The following NANS variants were observed in gnomAD, a reference collection of about 807,000 sequenced individuals.
NANS encodes the protein N-acetylneuraminate-9-phosphate synthase.
Under a neutral mutation model 33.3 loss-of-function variants are expected in NANS, and 29 were observed. That is an observed-to-expected ratio of 0.87 (90% confidence interval 0.65 to 1.19). NANS has a LOEUF of 1.19. Ranked by LOEUF, NANS falls within the 50% of genes most tolerant of loss-of-function variation. NANS has a pLI of 0.00. For synonymous variants in NANS, 163 were observed against 177.2 expected (o/e 0.92, Z 0.64); for missense variants, 394 against 461.1 (o/e 0.85, Z 1.33).
At chr9:98,079,437 A>G (rs1829748645) in intron 4 of NANS, among the ~76,000 whole-genome samples, 2 of 151,058 alleles carry the variant, frequency 1.3e-5, no homozygotes, top group South Asian at 4.2e-4. Context: ...TCCCCATAAT[A>G]TAAGCTTTCT....
In NANS at chr9:98,082,878, T is replaced by G. The variant is rs186141807; in HGVS notation, c.903T>G (p.Ile301Met). 3.3e-4 allele frequency: 536 copies of G among 1,614,150 alleles called. 1 individual carries two copies. Among genetic ancestry groups the G allele is most frequent in the Non-Finnish European group, 4.4e-4 (525 of 1,180,024 alleles). The change falls in exon 6 of 6, where the codon ATT becomes ATG. Residue 301 changes from isoleucine (I) to methionine (M), a missense_variant. Physicochemically the swap from Ile to Met is conservative, Grantham distance 10. Transcript: ENST00000210444. ...LGKSVVAKVK[I>M]PEGTILTMDM... ...AGTCTGTGGTGGCCAAAGTGAAAAT[T>G]CCGGAAGGCACCATTCTAACAATGG... is the stretch of plus-strand genomic sequence containing the variant.
chr9:98,073,669 CCT>C (rs1829455296), intron 2 of NANS, among the ~76,000 whole-genome samples: 1 of 152,030 alleles, frequency 6.6e-6, no homozygotes, highest in South Asian at 2.1e-4. Flanking sequence ...CAGCTCCACT[CCT>C]CTCTTTCCTT....
Position 98,083,006 on chromosome 9 carries a change from C to T in NANS, c.1031C>T (p.Thr344Ile). 1 of 1,614,098 alleles carries T rather than the reference C, an allele frequency of 6.2e-7. No individual in the cohort carries two copies. The highest frequency in any genetic ancestry group is 1.3e-5 in the African/African-American group (1 of 75,022). The change falls in exon 6 of 6, where the codon ACC (threonine) becomes ATC (isoleucine). Residue 344 changes from threonine to isoleucine, a missense_variant. Transcript: ENST00000210444. ...CTGGTCACTGTTGAAGAGGATGACACCATCATGGAAGAATTGGTAGATAAT... is the reference window on the plus strand; with the variant it reads ...CTGGTCACTGTTGAAGAGGATGACATCATCATGGAAGAATTGGTAGATAAT... ...KVLVTVEEDD[T>I]IMEELVDNHG...
At position 98,056,893 on chromosome 9, in the gene NANS, C is replaced by A. The variant is rs1277263564; in HGVS notation, c.85C>A (p.His29Asn). Residue 29 changes from histidine (H) to asparagine (N), a missense_variant, in exon 1 of 6, where the codon CAC becomes AAC. Transcript: ENST00000210444. ...CFIIAEIGQN[H>N]QGDLDVAKRM... ...CATCATTGCCGAGATCGGCCAGAAC[C>A]ACCAGGGCGACCTGGACGTAGCCAA... The A allele has an allele frequency of 1.2e-6, 2 of 1,611,028 alleles. No homozygotes were observed. Among genetic ancestry groups the A allele is most frequent in the Non-Finnish European group, 1.7e-6 (2 of 1,178,888 alleles).
intron 1 of NANS, among the ~76,000 whole-genome samples, chr9:98,058,640 T>A (rs1483716838): frequency 6.6e-6 from 1 of 152,212 alleles, no homozygotes; most frequent in Non-Finnish European, 1.5e-5. Flanking sequence ...AACAAAGCTG[T>A]ACTGACCAGG....
At position 98,060,964 on chromosome 9, in the gene NANS, T is replaced by A. The variant is rs752145022; in HGVS notation, c.315T>A (p.Val105=). 6.2e-7 allele frequency: 1 copy of A among 1,614,016 alleles called. No individual in the cohort carries two copies. Among genetic ancestry groups the A allele is most frequent in the Admixed American group, 1.7e-5 (1 of 60,018 alleles). Residue 105 remains valine, a synonymous_variant, in exon 2 of 6, where the codon GTT becomes GTA. Coordinates refer to ENST00000210444, the MANE Select transcript of NANS (RefSeq NM_018946.4). Reference sequence around the variant, plus strand: ...AGCTGCAGAGGTACGCCGAGGAGGTTGGGATCTTCTTCACTGCCTCTGGCA... The same window carrying A: ...AGCTGCAGAGGTACGCCGAGGAGGTAGGGATCTTCTTCACTGCCTCTGGCA... The part of the protein sequence containing the change: ...YRELQRYAEE[V]GIFFTASGMD...
At chr9:98,081,363 C>G in intron 5 of NANS, 1 of 456,240 alleles carries the variant, frequency 2.2e-6, no homozygotes, top group Non-Finnish European at 3.9e-6. Flanking sequence ...AGCCCATGGC[C>G]CCAGTACTCC....
At position 98,080,970 on chromosome 9, in the gene NANS, C is replaced by T. The variant is rs1483044560; in HGVS notation, c.758C>T (p.Ser253Leu). ...TGGAAGGGGAGTGACCACTCGGCCTCGCTGGAGCCTGGAGAACTGGCCGAG... is the reference window on the plus strand; with the variant it reads ...TGGAAGGGGAGTGACCACTCGGCCTTGCTGGAGCCTGGAGAACTGGCCGAG... Reference protein sequence around the residue: ...KTWKGSDHSASLEPGELAELV... With the variant: ...KTWKGSDHSALLEPGELAELV... The change falls in exon 5 of 6, where the codon TCG becomes TTG. Residue 253 changes from serine to leucine, a missense_variant. Physicochemically the swap from Ser to Leu is moderately radical, Grantham distance 145. Transcript: ENST00000210444. 7.4e-6 allele frequency: 12 copies of T among 1,614,054 alleles called. No individual in the cohort carries two copies. Among genetic ancestry groups the T allele is most frequent in the Non-Finnish European group, 1.0e-5 (12 of 1,180,048 alleles).
chr9:98,073,620 C>T (rs1486339561), intron 2 of NANS, among the ~76,000 whole-genome samples: 1 of 150,278 alleles, frequency 6.7e-6, no homozygotes, highest in East Asian at 2.0e-4. Flanking sequence ...CTGAAGGATC[C>T]AAAACCTGAG....
intron 1 of NANS, 87 bp downstream of exon 1, chr9:98,057,027 C>A (rs1213585648): frequency 7.0e-7 from 1 of 1,429,450 alleles, no homozygotes; most frequent in Non-Finnish European, 9.2e-7. Context: ...ACGGCCTCCG[C>A]GGCTGGGTAC....
At chr9:98,057,922 G>GTTTTTTTTTTTTTTTTT (rs35104052) in intron 1 of NANS, among the ~76,000 whole-genome samples, 2 of 78,086 alleles carry the variant, frequency 2.6e-5, no homozygotes, top group East Asian at 3.3e-4. Flanking sequence ...TTTTTTCCTG[G>GTTTTTTTTTTTTTTTTT]TTTTTTTTTT....
At chr9:98,080,596 C>G (rs1829808497) in intron 4 of NANS, among the ~76,000 whole-genome samples, 1 of 152,152 alleles carries the variant, frequency 6.6e-6, no homozygotes, top group South Asian at 2.1e-4. Flanking sequence ...ATTTTTAGAG[C>G]ATTTACAATG....
At chr9:98,075,413 AGG>A (rs1339907017) in intron 2 of NANS, 2 of 137,222 alleles carry the variant, frequency 1.5e-5, no homozygotes, top group Admixed American at 7.5e-5. Context: ...GAGGAAGGAA[AGG>A]GAGAGAGGGA....
chr9:98,082,698 G>C (rs1829931575), intron 5 of NANS, 148 bp from the exon 6 acceptor site: 4 of 646,672 alleles, frequency 6.2e-6, no homozygotes, highest in Non-Finnish European at 8.0e-6. Context: ...CCATGTATGA[G>C]ATATTCTGAG....
intron 2 of NANS, among the ~76,000 whole-genome samples, chr9:98,063,487 C>T (rs1829045286): frequency 6.6e-6 from 1 of 152,176 alleles, no homozygotes; most frequent in African/African-American, 2.4e-5. Context: ...GGTTATCCAT[C>T]TGCCTCAGCC....
chr9:98,057,652 A>G (rs1449305879), intron 1 of NANS, among the ~76,000 whole-genome samples: 1 of 152,054 alleles, frequency 6.6e-6, no homozygotes, highest in Non-Finnish European at 1.5e-5. Flanking sequence ...GAGTCGGTAA[A>G]TGCGTGCTCC....
intron 5 of NANS, chr9:98,081,870 T>TAA (rs1829878105): frequency 6.6e-6 from 1 of 152,166 alleles, no homozygotes; most frequent in Non-Finnish European, 1.5e-5. Flanking sequence ...GAAATTAAAA[T>TAA]AAAGTAAAAA....
intron 4 of NANS, 60 bp downstream of exon 4, chr9:98,078,407 T>C: frequency 6.5e-7 from 1 of 1,548,582 alleles, no homozygotes; most frequent in Non-Finnish European, 8.8e-7. Context: ...GGCGTAGTCT[T>C]TTTTATAACC....
intron 2 of NANS, among the ~76,000 whole-genome samples, chr9:98,072,110 T>C (rs1829361625): frequency 6.6e-6 from 1 of 152,166 alleles, no homozygotes; most frequent in Non-Finnish European, 1.5e-5. Context: ...CTCCTGGTGC[T>C]CACACTCTGT....
Sources: allele counts gnomAD v4.1 joint callset (sites outside exome capture counted in the v4.1 genomes callset), GRCh38; gene constraint gnomAD v4.1.1; transcripts MANE v1.5; gene names NCBI Gene and HGNC (gene_info 2026-07-23, HGNC 2026-07-21).